FRY: variants seen among roughly 807,000 people sequenced by gnomAD.
FRY encodes FRY microtubule binding protein.
Under a neutral mutation model 348.4 loss-of-function variants are expected in FRY, and 128 were observed. The observed-to-expected ratio is 0.37, with a 90% confidence interval of 0.32 to 0.43. The LOEUF (loss-of-function observed/expected upper bound fraction) is 0.43. Among genes scored for constraint, FRY ranks in the 20% least tolerant of loss-of-function variants. The pLI, the probability that FRY is intolerant of heterozygous loss-of-function variation, is 1.00. For synonymous variants in FRY, 1,370 were observed against 1,374.7 expected (o/e 1.00, Z 0.08); for missense variants, 2,736 against 3,695.2 (o/e 0.74, Z 6.73).
In FRY at chr13:32,297,448, C is replaced by T. The variant is rs1451554238; in HGVS notation, c.*1988C>T. 2 of 151,452 alleles carry T rather than the reference C, an allele frequency of 1.3e-5. No homozygotes were observed. Among genetic ancestry groups the T allele is most frequent in the Admixed American group, 6.6e-5 (1 of 15,162 alleles). The allele number at this position is 151,452 out of a possible 1,614,324, so 9.4% of individuals were successfully genotyped here. ...GATTCGTCATGAACTGAGTTTTCTACCATGGCTTCTTACCCAGCAGAGAAC... is the reference window on the plus strand; with the variant it reads ...GATTCGTCATGAACTGAGTTTTCTATCATGGCTTCTTACCCAGCAGAGAAC... On this transcript the variant is annotated 3_prime_UTR_variant, in exon 61 of 61. Coordinates refer to ENST00000542859, the MANE Select transcript of FRY (RefSeq NM_023037.3).
intron 38 of FRY, among the ~76,000 whole-genome samples, 167 bp downstream of exon 38, chr13:32,225,203 TA>T (rs1254645853): frequency 3.3e-5 from 5 of 152,254 alleles, no homozygotes; most frequent in Non-Finnish European, 5.9e-5. Context: ...AAATGTCAGC[TA>T]CTTGGTCACT....
chr13:32,098,276 A>G (rs914332967), intron 2 of FRY, among the ~76,000 whole-genome samples: 1 of 152,128 alleles, frequency 6.6e-6, no homozygotes, highest in South Asian at 2.1e-4. Flanking sequence ...TACTATATGT[A>G]TTCATCAATC....
chr13:32,223,926 G>A (rs1025142857), intron 36 of FRY, among the ~76,000 whole-genome samples: 1 of 151,824 alleles, frequency 6.6e-6, no homozygotes, highest in Non-Finnish European at 1.5e-5. Flanking sequence ...TAGTAGAGGT[G>A]GGGTTTTGCC....
At chr13:32,125,698 A>G (rs1316858008) in intron 7 of FRY, among the ~76,000 whole-genome samples, 1 of 152,248 alleles carries the variant, frequency 6.6e-6, no homozygotes, top group African/African-American at 2.4e-5. Flanking sequence ...AAAAATTTTA[A>G]AAAGCACTTA....
Position 32,298,512 on chromosome 13 carries a change from T to C in FRY, c.*3052T>C, listed in dbSNP as rs1272463364. The C allele has an allele frequency of 6.6e-6, 1 of 152,238 alleles. No homozygotes were observed. The highest frequency in any genetic ancestry group is 1.9e-4 in the East Asian group (1 of 5,202). The allele number at this position is 152,238 out of a possible 1,614,324, so 9.4% of individuals were successfully genotyped here. A position where few individuals can be genotyped will look rare whatever the true frequency, so the allele number is the denominator to read the frequency against. On this transcript the variant is annotated 3_prime_UTR_variant, in exon 61 of 61. Transcript: ENST00000542859. ...GCACTGTTTTAGAGGACACCGCAGC[T>C]ATCAAGGCAGATGTGGTCCCTGTTC...
intron 51 of FRY, 78 bp from the exon 52 acceptor site, chr13:32,261,538 C>A: frequency 1.7e-6 from 2 of 1,170,344 alleles, no homozygotes; most frequent in Non-Finnish European, 1.3e-6. Context: ...TGTTCCCAAG[C>A]TATGACTAAT....
intron 1 of FRY, among the ~76,000 whole-genome samples, chr13:32,047,266 T>TG (rs1322668446): frequency 6.6e-6 from 1 of 152,264 alleles, no homozygotes; most frequent in Non-Finnish European, 1.5e-5. Flanking sequence ...TGTAAGTTAA[T>TG]GGTTTTGTCA....
At chr13:32,066,515 G>T (rs1262506737) in intron 1 of FRY, among the ~76,000 whole-genome samples, 1 of 152,192 alleles carries the variant, frequency 6.6e-6, no homozygotes, top group Non-Finnish European at 1.5e-5. Flanking sequence ...GGGATTTTGA[G>T]AAAGCTTCTA....
intron 16 of FRY, among the ~76,000 whole-genome samples, chr13:32,157,616 A>G (rs894264592): frequency 2.6e-5 from 4 of 152,212 alleles, no homozygotes; most frequent in East Asian, 3.8e-4. Context: ...CTCAAGTATC[A>G]CTAGGTCAGT....
Position 32,136,957 on chromosome 13 carries a change from C to T in FRY, c.1164C>T (p.Cys388=). 1.3e-6 allele frequency: 2 copies of T among 1,570,414 alleles called. No homozygotes were observed. The highest frequency in any genetic ancestry group is 1.8e-6 in the Non-Finnish European group (2 of 1,140,188). ...GGTGGCACATTTTCCTCAACAACTGCTTGTCCAACCTTAAAGTTAGTATTT... is the reference window on the plus strand; with the variant it reads ...GGTGGCACATTTTCCTCAACAACTGTTTGTCCAACCTTAAAGTTAGTATTT... ...LNRWHIFLNN[C]LSNLKNKDPK... The change falls in exon 11 of 61, where the codon TGC becomes TGT. Residue 388 remains cysteine (C), a synonymous_variant. Coordinates refer to ENST00000542859, the MANE Select transcript of FRY (RefSeq NM_023037.3).
intron 2 of FRY, among the ~76,000 whole-genome samples, chr13:32,098,276 A>T (rs914332967): frequency 6.6e-6 from 1 of 152,128 alleles, no homozygotes; most frequent in Admixed American, 6.5e-5. Flanking sequence ...TACTATATGT[A>T]TTCATCAATC....
chr13:32,238,493 G>A (rs1220151688), intron 44 of FRY, among the ~76,000 whole-genome samples: 3 of 151,742 alleles, frequency 2.0e-5, no homozygotes, highest in Non-Finnish European at 2.9e-5. Flanking sequence ...TTGCTCTGTC[G>A]CCAGGCTGGA....
intron 20 of FRY, among the ~76,000 whole-genome samples, chr13:32,177,519 G>C (rs1882438773): frequency 6.6e-6 from 1 of 152,186 alleles, no homozygotes; most frequent in Admixed American, 6.5e-5. Flanking sequence ...GCTTGAACCT[G>C]GGAGGCGGAG....
intron 36 of FRY, among the ~76,000 whole-genome samples, chr13:32,223,532 T>C (rs2138406180): frequency 6.6e-6 from 1 of 152,138 alleles, no homozygotes; most frequent in East Asian, 1.9e-4. Context: ...TCCCAAAACT[T>C]TGGGAGGCCA....
At chr13:32,220,084 G>A (rs1356887824) in intron 36 of FRY, among the ~76,000 whole-genome samples, 1 of 152,138 alleles carries the variant, frequency 6.6e-6, no homozygotes, top group East Asian at 1.9e-4. Flanking sequence ...ATTTGCTAAG[G>A]GAATCAGTAT....
At chr13:32,149,434 C>T (rs575382156) in intron 13 of FRY, among the ~76,000 whole-genome samples, 1 of 142,590 alleles carries the variant, frequency 7.0e-6, no homozygotes, top group Non-Finnish European at 1.5e-5. Context: ...TTTATAAGCC[C>T]AGATACCCCA....
rs144232633 is a variant in FRY, at chr13:32,141,648, G to T, written c.1179+4676G>T. Among the ~76,000 whole-genome samples, 217 of 152,320 alleles carry T rather than the reference G, an allele frequency of 1.4e-3. 3 individuals are homozygous for T. Among genetic ancestry groups the T allele is most frequent in the Admixed American group, 9.0e-3 (137 of 15,298 alleles). ...TTATAAGCAGCACAGGTGACTTGGT[G>T]CAAATAGTCAGCTGACGGACCTTGA... On this transcript the variant is annotated intron_variant, in intron 11 of 60. Transcript: ENST00000542859.
chr13:32,274,818 A>G, intron 55 of FRY, 24 bp from the exon 56 acceptor site: 1 of 1,602,906 alleles, frequency 6.2e-7, no homozygotes, highest in Non-Finnish European at 8.5e-7. Flanking sequence ...GACCTTTACA[A>G]ATGGTCACTA....
chr13:32,131,474 A>G (rs1323386089), intron 7 of FRY, among the ~76,000 whole-genome samples, 198 bp from the exon 8 acceptor site: 1 of 152,230 alleles, frequency 6.6e-6, no homozygotes, highest in East Asian at 1.9e-4. Flanking sequence ...ATCTTACAGT[A>G]TAAGAAGGGT....
Sources: allele counts gnomAD v4.1 joint callset (sites outside exome capture counted in the v4.1 genomes callset), GRCh38; gene constraint gnomAD v4.1.1; transcripts MANE v1.5; gene names NCBI Gene and HGNC (gene_info 2026-07-23, HGNC 2026-07-21).